THSD4: variants seen among roughly 807,000 people sequenced by gnomAD.
THSD4 encodes the protein thrombospondin type 1 domain containing 4.
THSD4 carries 69 observed loss-of-function variants against 119.0 expected under a neutral mutation model. That is an observed-to-expected ratio of 0.58 (90% CI 0.48 to 0.71). THSD4 has a LOEUF of 0.71. Ranked by LOEUF, THSD4 falls within the 30% of genes least tolerant of loss-of-function variation. THSD4 has a pLI of 0.00. For synonymous variants in THSD4, 524 were observed against 540.4 expected, an observed-to-expected ratio of 0.97 and a Z score of 0.42; for missense variants, 1,393 against 1,391.1, an observed-to-expected ratio of 1.00 and a Z score of -0.02.
intron 7 of THSD4, among the ~76,000 whole-genome samples, chr15:71,645,571 A>G (rs1595822947): frequency 1.3e-5 from 2 of 152,290 alleles, no homozygotes; most frequent in Admixed American, 1.3e-4. Flanking sequence ...ATGGTTTTAG[A>G]TTCCCTTTCT....
At chr15:71,131,573 A>C (rs914196852) in intron 1 of THSD4, among the ~76,000 whole-genome samples, 2 of 152,264 alleles carry the variant, frequency 1.3e-5, no homozygotes, top group African/African-American at 4.8e-5. Flanking sequence ...TGACTAATAA[A>C]AATGAAAATC....
At chr15:71,128,493 C>T (rs1351611521) in intron 1 of THSD4, among the ~76,000 whole-genome samples, 1 of 148,010 alleles carries the variant, frequency 6.8e-6, no homozygotes, top group African/African-American at 2.5e-5. Flanking sequence ...CGCCACTGCA[C>T]TCCAGCCTGG....
intron 6 of THSD4, among the ~76,000 whole-genome samples, chr15:71,272,906 A>C (rs2044549018): frequency 6.6e-6 from 1 of 152,130 alleles, no homozygotes. Flanking sequence ...AGTGTTGGCC[A>C]GGATATGGAG....
At position 71,682,880 on chromosome 15, in the gene THSD4, CTTTCTTTCTTTCTTTCTTTCTTTCTTT is replaced by C. The variant is rs2051817630; in HGVS notation, c.1357+22147_1357+22173del. On this transcript the variant is annotated intron_variant, in intron 8 of 17. Transcript: ENST00000261862. ...ACTTTCTTTCTTTCTTTCTTTCTTTCTTTCTTTCTTTCTTTCTTTCTTTCTTTCTTCTTCTTCTTCTTTTTTTTTTTT... is the reference window on the plus strand; with the variant it reads ...ACTTTCTTTCTTTCTTTCTTTCTTTCCTTCTTCTTCTTCTTTTTTTTTTTT... 8.7e-5 allele frequency among the ~76,000 whole-genome samples: 2 copies of C among 23,016 alleles called. 1 individual carries two copies. The allele number at this position is 23,016 out of a possible 152,430, so 15.1% of individuals were successfully genotyped here.
At chr15:71,569,471 G>T (rs2049309046) in intron 7 of THSD4, among the ~76,000 whole-genome samples, 1 of 152,064 alleles carries the variant, frequency 6.6e-6, no homozygotes, top group Non-Finnish European at 1.5e-5. Flanking sequence ...ATTCTAAAAA[G>T]AATTTAAAAT....
chr15:71,495,407 T>C (rs1374945547), intron 7 of THSD4, among the ~76,000 whole-genome samples: 1 of 152,172 alleles, frequency 6.6e-6, no homozygotes, highest in Non-Finnish European at 1.5e-5. Context: ...GAGCATCTTA[T>C]TGTGATTAAC....
intron 7 of THSD4, among the ~76,000 whole-genome samples, chr15:71,415,574 T>TTACATTATTATTGTACATTATTG (rs1401754879): frequency 1.3e-5 from 2 of 152,168 alleles, no homozygotes; most frequent in Admixed American, 1.3e-4. Flanking sequence ...AAATGTACAA[T>TTACATTATTATTGTACATTATTG]TACATTATTA....
At chr15:71,722,668 T>C (rs2047693) in intron 8 of THSD4, among the ~76,000 whole-genome samples, 82,386 of 151,990 alleles carry the variant, frequency 0.54, 26,657 homozygotes, top group East Asian at 0.8. Context: ...TGATTCAAAA[T>C]GTTTAAACTT....
At chr15:71,592,493 C>T (rs1567052281) in intron 7 of THSD4, among the ~76,000 whole-genome samples, 1 of 152,102 alleles carries the variant, frequency 6.6e-6, no homozygotes, top group Admixed American at 6.5e-5. Context: ...CACATTTTCC[C>T]ACAGAAACCA....
intron 4 of THSD4, among the ~76,000 whole-genome samples, chr15:71,236,990 T>G (rs2044110812): frequency 6.6e-6 from 1 of 152,104 alleles, no homozygotes; most frequent in Admixed American, 6.6e-5. Context: ...AGAAAGCAGC[T>G]GAGGAGGAGG....
chr15:71,446,085 A>G (rs1375795004), intron 7 of THSD4, among the ~76,000 whole-genome samples: 1 of 152,226 alleles, frequency 6.6e-6, no homozygotes, highest in African/African-American at 2.4e-5. Flanking sequence ...TCCATGAACA[A>G]CATCTAACTA....
At chr15:71,438,134 C>G (rs1662546305) in intron 7 of THSD4, among the ~76,000 whole-genome samples, 1 of 152,176 alleles carries the variant, frequency 6.6e-6, no homozygotes, top group Non-Finnish European at 1.5e-5. Context: ...CCCTCCTCGC[C>G]CTCGCCCTCA....
At chr15:71,634,973 A>T (rs1228077974) in intron 7 of THSD4, among the ~76,000 whole-genome samples, 2 of 152,184 alleles carry the variant, frequency 1.3e-5, no homozygotes. Context: ...ATTGTTTGCC[A>T]TTGTTTGCAC....
intron 7 of THSD4, among the ~76,000 whole-genome samples, chr15:71,455,193 G>A (rs1225139604): frequency 1.3e-5 from 2 of 152,196 alleles, no homozygotes; most frequent in Non-Finnish European, 2.9e-5. Context: ...GCAGAACTTT[G>A]CTTTCCCTCC....
chr15:71,155,189 G>A lies in THSD4; in HGVS notation c.99+257G>A, dbSNP rs144726182. Among the ~76,000 whole-genome samples, 29 of 152,312 alleles carry A rather than the reference G, an allele frequency of 1.9e-4. No homozygotes were observed. In the East Asian group the frequency reaches 3.3e-3, roughly 17 times the overall value. Reference sequence around the variant, plus strand: ...AGGAAGCATGATGCTGGTCATCTGCGTGGCTTCTGTGGAGGCCTCAGGAAA... The same window carrying A: ...AGGAAGCATGATGCTGGTCATCTGCATGGCTTCTGTGGAGGCCTCAGGAAA... On this transcript the variant is annotated intron_variant, in intron 3 of 17. Coordinates refer to ENST00000261862, the MANE Select transcript of THSD4 (RefSeq NM_024817.3).
intron 7 of THSD4, among the ~76,000 whole-genome samples, chr15:71,645,471 C>T (rs2050950983): frequency 6.6e-6 from 1 of 152,128 alleles, no homozygotes; most frequent in Non-Finnish European, 1.5e-5. Flanking sequence ...TTACCTCCCA[C>T]CAGGTTTCTC....
chr15:71,648,867 C>A (rs1344808442), intron 7 of THSD4, among the ~76,000 whole-genome samples: 1 of 152,172 alleles, frequency 6.6e-6, no homozygotes, highest in Non-Finnish European at 1.5e-5. Flanking sequence ...GAATTAGGTA[C>A]CTTCATTTAC....
At chr15:71,256,485 A>AAAT in intron 5 of THSD4, 128 bp from the exon 6 acceptor site, 3 of 597,084 alleles carry the variant, frequency 5.0e-6, no homozygotes, top group Non-Finnish European at 7.2e-6. Flanking sequence ...CAAAAAAAAA[A>AAAT]AAATAAATAA....
chr15:71,262,838 G>A (rs2044416799), intron 6 of THSD4, among the ~76,000 whole-genome samples: 1 of 152,148 alleles, frequency 6.6e-6, no homozygotes, highest in Non-Finnish European at 1.5e-5. Context: ...GTAAGGGTGG[G>A]TGTATTTTGC....
Sources: allele counts gnomAD v4.1 joint callset (sites outside exome capture counted in the v4.1 genomes callset), GRCh38; gene constraint gnomAD v4.1.1; transcripts MANE v1.5; gene names NCBI Gene and HGNC (gene_info 2026-07-23, HGNC 2026-07-21).